The following CACNA1E variants were observed in gnomAD, a reference collection of about 807,000 sequenced individuals.
CACNA1E encodes calcium voltage-gated channel subunit alpha1 E, also known as voltage-dependent R-type calcium channel subunit alpha-1E.
Under a neutral mutation model 259.2 loss-of-function variants are expected in CACNA1E, and 40 were observed. That is an observed-to-expected ratio of 0.15 (90% CI 0.12 to 0.20). CACNA1E has a LOEUF of 0.20. Ranked by LOEUF, CACNA1E falls within the 10% of genes least tolerant of loss-of-function variation. CACNA1E has a pLI of 1.00. For missense variants in CACNA1E, 1,874 were observed against 3,040.1 expected (o/e 0.62, Z 9.02); for synonymous variants, 1,104 against 1,138.5 (o/e 0.97, Z 0.61).
chr1:181,599,207 C>T (rs1163721029), intron 6 of CACNA1E, among the ~76,000 whole-genome samples: 1 of 152,010 alleles, frequency 6.6e-6, no homozygotes, highest in African/African-American at 2.4e-5. Flanking sequence ...TAAGTGAGAA[C>T]ATGGGGCATT....
chr1:181,540,150 T>C (rs1022311442), intron 3 of CACNA1E, among the ~76,000 whole-genome samples: 1 of 152,156 alleles, frequency 6.6e-6, no homozygotes. Flanking sequence ...AATCCCCCGA[T>C]GTAAACGCAT....
chr1:181,477,165 C>A (rs1371403638), intron 2 of CACNA1E, among the ~76,000 whole-genome samples: 2 of 151,820 alleles, frequency 1.3e-5, no homozygotes, highest in African/African-American at 4.8e-5. Context: ...CCCCACCCCC[C>A]AAAACATCCT....
chr1:181,797,001 CAT>C (rs1046437004), intron 47 of CACNA1E, 143 bp downstream of exon 47: 10 of 570,048 alleles, frequency 1.8e-5, no homozygotes, highest in Admixed American at 3.2e-5. Flanking sequence ...ACCTATAGTG[CAT>C]AGAGGTTAGC....
chr1:181,712,788 C>T lies in CACNA1E; in HGVS notation c.1171+1719C>T, dbSNP rs113999239. On this transcript the variant is annotated intron_variant, in intron 8 of 47. Coordinates refer to ENST00000367573, the MANE Select transcript of CACNA1E (RefSeq NM_001205293.3). ...TGGTCCCAGCTGTCCTTGGCTTTCT[C>T]GGCGGAGGAGCCATCTGACAGACCA... Among the ~76,000 whole-genome samples the T allele has an allele frequency of 6.5e-3, 986 of 152,142 alleles. 15 individuals carry two copies. The highest frequency in any genetic ancestry group is 0.023 in the African/African-American group (944 of 41,500).
At chr1:181,467,650 G>C (rs750556789) in intron 2 of CACNA1E, among the ~76,000 whole-genome samples, 5 of 152,084 alleles carry the variant, frequency 3.3e-5, no homozygotes, top group African/African-American at 4.8e-5. Flanking sequence ...GTGCAGCTCT[G>C]AGTTCACTCC....
intron 2 of CACNA1E, among the ~76,000 whole-genome samples, chr1:181,449,228 C>T (rs1451064400): frequency 2.0e-5 from 3 of 152,202 alleles, no homozygotes; most frequent in Non-Finnish European, 4.4e-5. Flanking sequence ...GCCAGAGATA[C>T]TTCATTTGTG....
intron 3 of CACNA1E, among the ~76,000 whole-genome samples, chr1:181,550,218 C>A (rs933080534): frequency 3.3e-5 from 5 of 151,992 alleles, no homozygotes; most frequent in African/African-American, 9.7e-5. Context: ...GGGAAGAATC[C>A]AAGATGAATC....
chr1:181,735,156 T>C (rs1572742828), intron 21 of CACNA1E, among the ~76,000 whole-genome samples: 1 of 152,224 alleles, frequency 6.6e-6, no homozygotes, highest in South Asian at 2.1e-4. Context: ...ATCTCCCATG[T>C]CCAGTGCATG....
chr1:181,662,574 C>G (rs756318854), intron 7 of CACNA1E, among the ~76,000 whole-genome samples: 1 of 152,140 alleles, frequency 6.6e-6, no homozygotes, highest in South Asian at 2.1e-4. Flanking sequence ...TGGTGTTTGT[C>G]ATATAAGATT....
At chr1:181,797,430 TAGG>T (rs1661910627) in intron 47 of CACNA1E, among the ~76,000 whole-genome samples, 1 of 152,314 alleles carries the variant, frequency 6.6e-6, no homozygotes, top group Non-Finnish European at 1.5e-5. Flanking sequence ...TGACCCATAA[TAGG>T]AGACCCCCTC....
intron 1 of CACNA1E, among the ~76,000 whole-genome samples, chr1:181,508,887 G>A (rs1325712005): frequency 6.6e-6 from 1 of 152,134 alleles, no homozygotes; most frequent in Non-Finnish European, 1.5e-5. Flanking sequence ...GGGTGTGGAG[G>A]CAATGGACAG....
chr1:181,804,296 T>C lies in CACNA1E; in HGVS notation c.*5462T>C, dbSNP rs1174085630. The C allele has an allele frequency of 1.3e-5, 2 of 152,194 alleles. No homozygotes were observed. The highest frequency in any genetic ancestry group is 2.4e-5 in the African/African-American group (1 of 41,454). 9.4% of individuals were successfully genotyped at this position (152,194 alleles called of 1,614,324 possible). On this transcript the variant is annotated 3_prime_UTR_variant, in exon 48 of 48. Transcript: ENST00000367573. ...AAGTGATTGCCATCAAATTTAGTGA[T>C]ATGATATTTGAGTCAAAAATCTGAG... is the stretch of plus-strand genomic sequence containing the variant.
intron 1 of CACNA1E, among the ~76,000 whole-genome samples, chr1:181,323,647 G>T (rs1204046439): frequency 2.0e-5 from 3 of 152,102 alleles, no homozygotes; most frequent in Non-Finnish European, 4.4e-5. Context: ...AATTTAAAAA[G>T]CTGTGAGGAA....
chr1:181,608,767 G>A (rs184155508), intron 6 of CACNA1E, among the ~76,000 whole-genome samples: 51 of 152,306 alleles, frequency 3.3e-4, no homozygotes, highest in Admixed American at 8.5e-4. Flanking sequence ...TTTGTGACCC[G>A]TGCTTTTCTG....
At chr1:181,654,146 C>A (rs1658993370) in intron 7 of CACNA1E, among the ~76,000 whole-genome samples, 1 of 129,192 alleles carries the variant, frequency 7.7e-6, no homozygotes, top group African/African-American at 2.5e-5. Context: ...GAATAACAGG[C>A]CAATAAATTA....
intron 7 of CACNA1E, 65 bp downstream of exon 7, chr1:181,651,506 T>C (rs897946354): frequency 1.8e-6 from 2 of 1,112,068 alleles, no homozygotes; most frequent in African/African-American, 3.1e-5. Flanking sequence ...TAATGCCTCC[T>C]GACTCATGGC....
At chr1:181,534,158 T>C (rs1457844686) in intron 3 of CACNA1E, among the ~76,000 whole-genome samples, 1 of 152,130 alleles carries the variant, frequency 6.6e-6, no homozygotes, top group Non-Finnish European at 1.5e-5. Flanking sequence ...TGAAGACAGA[T>C]GTTCCTTATA....
chr1:181,352,596 C>G (rs1324171964), intron 1 of CACNA1E, among the ~76,000 whole-genome samples: 2 of 152,170 alleles, frequency 1.3e-5, no homozygotes, highest in Non-Finnish European at 2.9e-5. Context: ...ATGCATTGGT[C>G]TCTCTCTTCA....
chr1:181,348,796 A>G (rs964849017), intron 1 of CACNA1E, among the ~76,000 whole-genome samples: 3 of 152,200 alleles, frequency 2.0e-5, no homozygotes, highest in Admixed American at 6.5e-5. Context: ...ATCGATGTCT[A>G]CTTACAACTT....
Sources: allele counts gnomAD v4.1 joint callset (sites outside exome capture counted in the v4.1 genomes callset), GRCh38; gene constraint gnomAD v4.1.1; transcripts MANE v1.5; gene names NCBI Gene and HGNC (gene_info 2026-07-23, HGNC 2026-07-21).